Variants in BANP observed in about 807,000 individuals in gnomAD.
The protein encoded by BANP is BTG3 associated nuclear protein.
BANP carries 11 observed loss-of-function variants against 68.1 expected under a neutral mutation model. The observed-to-expected ratio is 0.16, with a 90% CI of 0.10 to 0.27. BANP has a LOEUF of 0.27. Ranked by LOEUF, BANP falls within the 10% of genes least tolerant of loss-of-function variation. The probability of loss-of-function intolerance (pLI) is 1.00; values close to 1 mark genes in which losing one functional copy is unlikely to be tolerated. For missense variants in BANP, 504 were observed against 722.7 expected (o/e 0.70, Z 3.47); for synonymous variants, 329 against 303.2 (o/e 1.09, Z -0.88).
intron 11 of BANP, among the ~76,000 whole-genome samples, chr16:88,047,575 T>C (rs1464158506): frequency 6.6e-6 from 1 of 152,170 alleles, no homozygotes; most frequent in Non-Finnish European, 1.5e-5. Flanking sequence ...GGCATCCTTA[T>C]TCAAATCCAG....
At chr16:87,997,521 G>A (rs972066230) in intron 4 of BANP, among the ~76,000 whole-genome samples, 13 of 152,248 alleles carry the variant, frequency 8.5e-5, no homozygotes, top group Admixed American at 4.6e-4. Flanking sequence ...GTGAGACCAT[G>A]TGTTCCTGGT....
intron 1 of BANP, among the ~76,000 whole-genome samples, chr16:87,961,413 C>CG (rs1567585638): frequency 6.9e-6 from 1 of 144,642 alleles, no homozygotes; most frequent in African/African-American, 2.5e-5. Context: ...ATCTGCACCC[C>CG]CCCGGGCCTC....
upstream of BANP, chr16:87,951,063 G>C (rs1822135662): frequency 6.6e-6 from 1 of 152,268 alleles, no homozygotes; most frequent in Admixed American, 6.5e-5. Context: ...CCAGACGCAG[G>C]GACTACGAGT....
chr16:88,016,380 A>G (rs943061076), intron 6 of BANP, among the ~76,000 whole-genome samples: 1 of 152,166 alleles, frequency 6.6e-6, no homozygotes, highest in African/African-American at 2.4e-5. Context: ...ATCTCTAGCC[A>G]TGGTGTGACC....
At chr16:88,039,375 G>A (rs1002479537) in intron 11 of BANP, among the ~76,000 whole-genome samples, 8 of 143,396 alleles carry the variant, frequency 5.6e-5, no homozygotes, top group African/African-American at 2.0e-4. Context: ...TGGTTCTCAC[G>A]GTCACGGGGG....
chr16:87,957,163 C>T lies in BANP; in HGVS notation c.-69+5648C>T, dbSNP rs1012505491. The stretch of plus-strand genomic sequence containing the variant: ...GTCAGCGTTCACGGTGGAGCAGACT[C>T]CACGACTCGCTGCTCCCATGGGAGG... On this transcript the variant is annotated intron_variant, in intron 1 of 13. Coordinates refer to ENST00000682872, the MANE Select transcript of BANP (RefSeq NM_001386991.1). This position sits in a 1 kb window ranked among gnomAD's most constrained non-coding sequence, Gnocchi z 4.3. The T allele has an allele frequency of 6.6e-6, 1 of 152,128 alleles. No individual in the cohort carries two copies. The highest frequency in any genetic ancestry group is 1.5e-5 in the Non-Finnish European group (1 of 68,054). The allele number at this position is 152,128 out of a possible 1,614,324, so 9.4% of individuals were successfully genotyped here.
At chr16:88,051,914 G>A (rs2083348738) in intron 11 of BANP, among the ~76,000 whole-genome samples, 1 of 152,050 alleles carries the variant, frequency 6.6e-6, no homozygotes, top group South Asian at 2.1e-4. Context: ...CATCTCATTT[G>A]TTTGAGGAGT....
At chr16:87,985,083 G>A (rs1274653598) in intron 4 of BANP, among the ~76,000 whole-genome samples, 1 of 152,238 alleles carries the variant, frequency 6.6e-6, no homozygotes, top group Non-Finnish European at 1.5e-5. Context: ...GCCGCAACAA[G>A]CCTGGAGGGA....
intron 1 of BANP, among the ~76,000 whole-genome samples, chr16:87,967,770 G>A (rs1327797473): frequency 6.6e-6 from 1 of 152,076 alleles, no homozygotes; most frequent in Non-Finnish European, 1.5e-5. Flanking sequence ...TACAGGGCGT[G>A]TGCCACCACG....
chr16:88,028,101 C>G (rs2077359880), intron 8 of BANP, among the ~76,000 whole-genome samples: 1 of 152,250 alleles, frequency 6.6e-6, no homozygotes, highest in Non-Finnish European at 1.5e-5. Flanking sequence ...AGTTGCCTCT[C>G]AGGCATCGCT....
At chr16:88,055,797 C>T (rs1253693641) in intron 11 of BANP, among the ~76,000 whole-genome samples, 1 of 152,120 alleles carries the variant, frequency 6.6e-6, no homozygotes, top group Non-Finnish European at 1.5e-5. Flanking sequence ...AAAATGCTCC[C>T]ATCAAGAAAA....
intron 1 of BANP, among the ~76,000 whole-genome samples, chr16:87,962,262 C>CAAA (rs1251278007): frequency 4.5e-5 from 3 of 65,956 alleles, no homozygotes; most frequent in East Asian, 3.4e-4. Flanking sequence ...AAAAAGAAAG[C>CAAA]ACATTTTTTT....
chr16:88,004,308 A>G lies in BANP; in HGVS notation c.376A>G (p.Thr126Ala), dbSNP rs2070330188. The G allele has an allele frequency of 6.5e-7, 1 of 1,545,202 alleles. No individual in the cohort carries two copies. ...TTTGTTCCCTAGCGTCGTCCCCCAG[A>G]CTACAGTAATACTCAACAATGATCG... Reference protein sequence around the residue: ...CNKVRCVVPQTTVILNNDRQN... With the variant: ...CNKVRCVVPQATVILNNDRQN... The change falls in exon 5 of 14, where the codon ACT (threonine) becomes GCT (alanine). Residue 126 changes from threonine (T) to alanine (A), a missense_variant. By Grantham distance (58) the Thr-to-Ala change is moderately conservative (BLOSUM62 0). Around this residue, in one of 3 missense-constraint regions of BANP, gnomAD observed 238 missense variants for 278.9 expected, o/e 0.85. Coordinates refer to ENST00000682872, the MANE Select transcript of BANP (RefSeq NM_001386991.1). The surrounding 1 kb of genome is among the most constrained non-coding windows in gnomAD (Gnocchi z 7.0).
Position 87,984,267 on chromosome 16 carries a change from C to G in BANP, c.362+8C>G, listed in dbSNP as rs2063839301. 6.4e-7 allele frequency: 1 copy of G among 1,568,052 alleles called. No individual in the cohort carries two copies. Among genetic ancestry groups the G allele is most frequent in the South Asian group, 1.2e-5 (1 of 85,988 alleles). On this transcript the variant is annotated splice_region_variant and intron_variant, in intron 4 of 13. Coordinates refer to ENST00000682872, the MANE Select transcript of BANP (RefSeq NM_001386991.1). ...GTGCAACAAAGTGCGATGGTAAGAA[C>G]AGACCAGGGTGCCGGGGCCTTCAGG...
intron 11 of BANP, among the ~76,000 whole-genome samples, chr16:88,053,723 C>T (rs2152836891): frequency 6.6e-6 from 1 of 150,534 alleles, no homozygotes; most frequent in South Asian, 2.1e-4. Flanking sequence ...ACCAACACAA[C>T]CACCTTCACC....
chr16:88,003,799 C>T lies in BANP; in HGVS notation c.363-496C>T, dbSNP rs1336613404. 2 of 312,962 alleles carry T rather than the reference C, an allele frequency of 6.4e-6. No homozygotes were observed. Among genetic ancestry groups the T allele is most frequent in the Non-Finnish European group, 1.2e-5 (2 of 160,344 alleles). 19.4% of individuals were successfully genotyped at this position (312,962 alleles called of 1,614,324 possible). The stretch of plus-strand genomic sequence containing the variant: ...CCCAAGTCCAACGTGATGTTTGCCC[C>T]TTTCTTTCCAGGGCGCTACCGTTTT... On this transcript the variant is annotated intron_variant, in intron 4 of 13. Coordinates refer to ENST00000682872, the MANE Select transcript of BANP (RefSeq NM_001386991.1). This position sits in a 1 kb window ranked among gnomAD's most constrained non-coding sequence, Gnocchi z 6.1.
At chr16:88,012,072 G>C (rs918086598) in intron 6 of BANP, among the ~76,000 whole-genome samples, 1 of 152,174 alleles carries the variant, frequency 6.6e-6, no homozygotes, top group Non-Finnish European at 1.5e-5. Flanking sequence ...ATTATGAGGA[G>C]CCCAACAGAT....
At chr16:87,951,656 G>A (rs1182055281) in intron 1 of BANP, 141 bp downstream of exon 1, 3 of 147,416 alleles carry the variant, frequency 2.0e-5, no homozygotes, top group Non-Finnish European at 4.5e-5. Flanking sequence ...CAACCGCCCG[G>A]GCCGGGCGAT....
chr16:87,956,527 C>T (rs965028402), intron 1 of BANP: 1 of 152,274 alleles, frequency 6.6e-6, no homozygotes, highest in Non-Finnish European at 1.5e-5. Flanking sequence ...TGGAATCACA[C>T]ACTTGCAATT....
Sources: gnomAD v4.1 joint callset for allele counts (sites outside exome capture counted in the v4.1 genomes callset) on GRCh38, gnomAD v4.1.1 for gene constraint, gnomAD v4.1.1 regional missense constraint, Gnocchi (gnomAD v3.1) non-coding constraint, MANE v1.5 for transcripts, NCBI Gene and HGNC (gene_info 2026-07-23, HGNC 2026-07-21) for gene names.